The following EXTL3 variants were observed in gnomAD, a reference collection of about 807,000 sequenced individuals.
EXTL3 encodes the protein exostosin-like 3.
A neutral mutation model predicts 69.3 loss-of-function variants in EXTL3; 27 were observed. That is an observed-to-expected ratio of 0.39 (90% CI 0.29 to 0.54). The LOEUF is 0.54. Ranked by LOEUF, EXTL3 falls within the 20% of genes least tolerant of loss-of-function variation. The pLI, the probability that EXTL3 is intolerant of heterozygous loss-of-function variation, is 0.69. For synonymous variants in EXTL3, 511 were observed against 499.4 expected (o/e 1.02, Z -0.31); for missense variants, 1,003 against 1,231.8 (o/e 0.81, Z 2.78).
chr8:28,628,763 C>G (rs1174797482), intron 1 of EXTL3, among the ~76,000 whole-genome samples: 1 of 152,148 alleles, frequency 6.6e-6, no homozygotes, highest in Non-Finnish European at 1.5e-5. Context: ...AAGCAATTCT[C>G]CTGCCTCAGC....
intron 1 of EXTL3, among the ~76,000 whole-genome samples, chr8:28,673,008 T>C (rs545133643): frequency 1.1e-4 from 17 of 152,354 alleles, no homozygotes; most frequent in African/African-American, 3.8e-4. Context: ...CCATGTAAGA[T>C]GTGCCTTTAG....
chr8:28,632,877 T>C (rs1806590189), intron 1 of EXTL3, among the ~76,000 whole-genome samples: 1 of 152,118 alleles, frequency 6.6e-6, no homozygotes, highest in African/African-American at 2.4e-5. Flanking sequence ...ATAGCAACTC[T>C]CTGTGGTACA....
At chr8:28,634,519 A>G (rs1197453122) in intron 1 of EXTL3, among the ~76,000 whole-genome samples, 1 of 151,936 alleles carries the variant, frequency 6.6e-6, no homozygotes. Flanking sequence ...ATTCTGCTGA[A>G]GTGCCACCTC....
rs1293501330 is a variant in EXTL3, at chr8:28,642,828, T to C, written c.-53+20018T>C. On this transcript the variant is annotated intron_variant, in intron 1 of 6. Coordinates refer to the EXTL3 transcript ENST00000523149. ...ATGCAGAAAATTGATTTTTGGGATA[T>C]ATAGTTATAGACATTTTAATTTTAA... 5.3e-5 allele frequency among the ~76,000 whole-genome samples: 8 copies of C among 152,098 alleles called. No homozygotes were observed. In the East Asian group the frequency reaches 1.5e-3, roughly 29 times the overall value.
In EXTL3 at chr8:28,702,462, T is replaced by TTC. The variant is rs1213021339; in HGVS notation, c.-570+804_-570+805insCT. 3.7e-3 allele frequency among the ~76,000 whole-genome samples: 560 copies of TTC among 152,368 alleles called. 3 individuals are homozygous for TTC. The highest frequency in any genetic ancestry group is 0.012 in the African/African-American group (519 of 41,582). ...CTGCCCGGCTGCTGATGGGTGCTGC[T>TTC]TTCTCTTCCCCACATTGAGCGAGAG... On this transcript the variant is annotated intron_variant, in intron 1 of 6. Coordinates refer to ENST00000220562, the MANE Select transcript of EXTL3 (RefSeq NM_001440.4).
At chr8:28,692,390 G>A (rs1800628609) in intron 1 of EXTL3, among the ~76,000 whole-genome samples, 1 of 152,190 alleles carries the variant, frequency 6.6e-6, no homozygotes, top group Non-Finnish European at 1.5e-5. Context: ...CTAGAATCAT[G>A]CTGTCACCTT....
intron 1 of EXTL3, among the ~76,000 whole-genome samples, chr8:28,639,394 G>C (rs1806708149): frequency 6.6e-6 from 1 of 152,254 alleles, no homozygotes; most frequent in Admixed American, 6.5e-5. Flanking sequence ...CCTGCCTCAG[G>C]TTCTGCTGCT....
chr8:28,702,333 G>C (rs1563209141), intron 1 of EXTL3, among the ~76,000 whole-genome samples: 1 of 152,202 alleles, frequency 6.6e-6, no homozygotes, highest in African/African-American at 2.4e-5. Context: ...CGCGCTGCAC[G>C]GGCTGGACCG....
upstream of EXTL3, chr8:28,697,935 A>C (rs1800711093): frequency 6.6e-6 from 1 of 152,218 alleles, no homozygotes; most frequent in Non-Finnish European, 1.5e-5. Flanking sequence ...TAAGTGCTGT[A>C]AAATGTCAAA....
chr8:28,743,142 T>G lies in EXTL3; in HGVS notation c.2478T>G (p.Asp826Glu). ...CCCAGGCCATCCGGGACATGGTGGA[T>G]GAATACATCAACTGTGAGGACATTG... ...VMPQAIRDMV[D>E]EYINCEDIAM... Residue 826 changes from aspartate to glutamate, a missense_variant, in exon 6 of 7, where the codon GAT becomes GAG. Transcript: ENST00000220562. 6.2e-7 allele frequency: 1 copy of G among 1,614,220 alleles called. No homozygotes were observed.
chr8:28,745,562 T>C (rs1234207697), intron 6 of EXTL3, among the ~76,000 whole-genome samples: 1 of 152,186 alleles, frequency 6.6e-6, no homozygotes, highest in Non-Finnish European at 1.5e-5. Flanking sequence ...GGTGCAATTT[T>C]CTCTTCCTTA....
At chr8:28,647,225 C>T (rs530731268) in intron 1 of EXTL3, among the ~76,000 whole-genome samples, 2 of 152,130 alleles carry the variant, frequency 1.3e-5, no homozygotes, top group African/African-American at 2.4e-5. Context: ...CTCCCTCATC[C>T]TCCCTAGTAG....
At chr8:28,726,382 CTT>C (rs1801413008) in intron 3 of EXTL3, among the ~76,000 whole-genome samples, 1 of 152,202 alleles carries the variant, frequency 6.6e-6, no homozygotes, top group Non-Finnish European at 1.5e-5. Context: ...TAGAAGAAAA[CTT>C]TTACTCTTCC....
downstream of EXTL3, chr8:28,755,624 C>G (rs1381203206): frequency 6.6e-6 from 1 of 152,216 alleles, no homozygotes; most frequent in Non-Finnish European, 1.5e-5. Flanking sequence ...TGGCACGTGC[C>G]TGTAATCCCA....
Position 28,718,121 on chromosome 8 carries a change from T to TA in EXTL3, c.2063dup (p.Tyr688Ter). Residue 688 changes from tyrosine (Y) to a stop codon, truncating the protein, a stop_gained and frameshift_variant, in exon 3 of 7, where the codon TAC becomes TAAC. Coordinates refer to ENST00000220562, the MANE Select transcript of EXTL3 (RefSeq NM_001440.4). LOFTEE classifies it high-confidence loss of function. ...TTTAGAGAGGCTGAATGGCCTCCCT[T>TA]ACCTGAACAAGGTCGTGGTGGTGTG... The part of the protein sequence containing the change: ...NSLERLNGLP[Y>*]LNKVVVVWNS... The TA allele has an allele frequency of 6.2e-7, 1 of 1,614,122 alleles. No individual in the cohort carries two copies.
chr8:28,637,624 C>T (rs1296925584), intron 1 of EXTL3, among the ~76,000 whole-genome samples: 2 of 149,060 alleles, frequency 1.3e-5, no homozygotes, highest in Non-Finnish European at 3.0e-5. Flanking sequence ...ATAGCAAGAC[C>T]CCATGTCTGA....
chr8:28,710,609 CTTTCTT>C, intron 1 of EXTL3: 5 of 272,046 alleles, frequency 1.8e-5, no homozygotes, highest in East Asian at 2.4e-4. Context: ...AGTTTTCTTT[CTTTCTT>C]TTTTTTTTTT....
chr8:28,652,892 A>G (rs1806949655), intron 1 of EXTL3, among the ~76,000 whole-genome samples: 2 of 152,254 alleles, frequency 1.3e-5, no homozygotes, highest in South Asian at 4.1e-4. Context: ...TTAAGTTAAC[A>G]GCAAAACTGA....
At chr8:28,622,510 C>G (rs974191585), upstream of EXTL3, among the ~76,000 whole-genome samples, 2 of 145,206 alleles carry the variant, frequency 1.4e-5, no homozygotes, top group African/African-American at 5.0e-5. Context: ...CGGGAGCCGG[C>G]GAGGGCGGGG....
Sources: gnomAD v4.1 joint callset for allele counts (sites outside exome capture counted in the v4.1 genomes callset) on GRCh38, gnomAD v4.1.1 for gene constraint, MANE v1.5 for transcripts, NCBI Gene and HGNC (gene_info 2026-07-23, HGNC 2026-07-21) for gene names.